DYNLL1: variants seen among roughly 807,000 people sequenced by gnomAD.
DYNLL1 encodes the protein dynein light chain LC8-type 1.
Under a neutral mutation model 10.1 loss-of-function variants are expected in DYNLL1, and 3 were observed. The ratio of observed to expected loss-of-function variants is 0.30; its 90% confidence interval spans 0.14 to 0.77. The LOEUF (loss-of-function observed/expected upper bound fraction) is 0.77. Ranked by LOEUF, DYNLL1 falls within the 30% of genes least tolerant of loss-of-function variation. DYNLL1 has a pLI of 0.66. For synonymous variants in DYNLL1, 46 were observed against 41.2 expected, an observed-to-expected ratio of 1.12 and a Z score of -0.45; for missense variants, 47 against 111.7, an observed-to-expected ratio of 0.42 and a Z score of 2.61.
rs71076619 is a variant in DYNLL1 at position 120,487,272 on chromosome 12, C to CTTT, written c.-6-9108_-6-9106dup. ...ACAGGCGTAAGCCACCGTGCCCGGC[C>CTTT]TTTTTTTTTTTTTTTTTTTTTTTTT... On this transcript the variant is annotated intron_variant, in intron 1 of 2. Transcript: ENST00000392509. 3.2e-4 allele frequency among the ~76,000 whole-genome samples: 16 copies of CTTT among 50,416 alleles called. 3 individuals are homozygous for CTTT. Among genetic ancestry groups the CTTT allele is most frequent in the African/African-American group, 7.9e-4 (9 of 11,360 alleles). 33.1% of individuals were successfully genotyped at this position (50,416 alleles called of 152,430 possible).
At position 120,496,142 on chromosome 12, in the gene DYNLL1, A is replaced by G. The variant is rs1210204303; in HGVS notation, c.-81A>G. 5.7e-6 allele frequency: 3 copies of G among 527,086 alleles called. No individual in the cohort carries two copies. Among genetic ancestry groups the G allele is most frequent in the Admixed American group, 6.9e-5 (2 of 29,004 alleles). The allele number at this position is 527,086 out of a possible 1,614,324, so 32.7% of individuals were successfully genotyped here. On this transcript the variant is annotated 5_prime_UTR_variant, in exon 1 of 3. Coordinates refer to ENST00000242577, the MANE Select transcript of DYNLL1 (RefSeq NM_003746.3). ...GCGCCACGGTTTCGGTAGCGACGGT[A>G]TCTCTAGCCGGGCCTGAGCTGTGCT...
chr12:120,497,265 A>C (rs1283846855), intron 2 of DYNLL1: 1 of 153,152 alleles, frequency 6.5e-6, no homozygotes, highest in East Asian at 1.9e-4. Flanking sequence ...ACGCTCCACA[A>C]ACACTTGTAA....
chr12:120,476,936 GTTTTTTTTT>G (rs551127196), intron 1 of DYNLL1, among the ~76,000 whole-genome samples: 1 of 143,616 alleles, frequency 7.0e-6, no homozygotes, highest in Non-Finnish European at 1.5e-5. Context: ...TGTTTTTTTT[GTTTTTTTTT>G]TTGAGACGGA....
chr12:120,478,680 C>G (rs984862424), intron 1 of DYNLL1, among the ~76,000 whole-genome samples: 3 of 148,006 alleles, frequency 2.0e-5, no homozygotes, highest in African/African-American at 7.4e-5. Context: ...GGTGAAACCA[C>G]GTCTGTTTTC....
chr12:120,478,292 A>G (rs1321738309), intron 1 of DYNLL1, among the ~76,000 whole-genome samples: 2 of 148,896 alleles, frequency 1.3e-5, no homozygotes, highest in Non-Finnish European at 3.0e-5. Context: ...TTTTTAGTAG[A>G]GACGAGGTTT....
At chr12:120,483,615 C>T (rs980721132) in intron 1 of DYNLL1, among the ~76,000 whole-genome samples, 5 of 151,466 alleles carry the variant, frequency 3.3e-5, no homozygotes, top group African/African-American at 1.2e-4. Flanking sequence ...GCCTGTTAGA[C>T]ATCCTAGAGC....
At chr12:120,495,014 A>G (rs556575164), upstream of DYNLL1, among the ~76,000 whole-genome samples, 1 of 152,214 alleles carries the variant, frequency 6.6e-6, no homozygotes, top group Non-Finnish European at 1.5e-5. Flanking sequence ...CAAATGTTTA[A>G]TACTGCTAAC....
Position 120,498,186 on chromosome 12 carries a change from C to G in DYNLL1, c.246C>G (p.Ala82=). The G allele has an allele frequency of 6.2e-7, 1 of 1,613,760 alleles. No individual in the cohort carries two copies. Among genetic ancestry groups the G allele is most frequent in the East Asian group, 2.2e-5 (1 of 44,868 alleles). Reference sequence around the variant, plus strand: ...TCTACTTCTACCTGGGCCAAGTGGCCATTCTTCTGTTCAAATCTGGTTAAA... The same window carrying G: ...TCTACTTCTACCTGGGCCAAGTGGCGATTCTTCTGTTCAAATCTGGTTAAA... The part of the protein sequence containing the change: ...HFIYFYLGQV[A]ILLFKSG Residue 82 remains alanine (A), a synonymous_variant, in exon 3 of 3, where the codon GCC becomes GCG. Coordinates refer to ENST00000242577, the MANE Select transcript of DYNLL1 (RefSeq NM_003746.3).
chr12:120,490,387 G>A (rs1276062349), intron 1 of DYNLL1: 1 of 152,212 alleles, frequency 6.6e-6, no homozygotes, highest in Non-Finnish European at 1.5e-5. Context: ...AGACCACTTT[G>A]CATATAATTA....
intron 1 of DYNLL1, among the ~76,000 whole-genome samples, chr12:120,475,954 C>T (rs926798470): frequency 1.4e-4 from 21 of 152,176 alleles, no homozygotes; most frequent in African/African-American, 4.8e-4. Flanking sequence ...CAAATGAGCT[C>T]ATCAGGTTCA....
At chr12:120,470,181 C>T (rs902492257) in intron 1 of DYNLL1, 1 of 152,528 alleles carries the variant, frequency 6.6e-6, no homozygotes, top group Non-Finnish European at 1.5e-5. Context: ...AGATGGACTC[C>T]ATAGCTTGGC....
chr12:120,487,327 C>T (rs1462292279), intron 1 of DYNLL1, among the ~76,000 whole-genome samples: 1 of 113,732 alleles, frequency 8.8e-6, no homozygotes, highest in Admixed American at 1.1e-4. Flanking sequence ...GACTCTTGCT[C>T]TGTTGCCCAG....
chr12:120,490,861 A>T (rs982182000), intron 1 of DYNLL1: 1 of 152,276 alleles, frequency 6.6e-6, no homozygotes, highest in African/African-American at 2.4e-5. Flanking sequence ...GTCTACAGGA[A>T]CACTAATGAT....
chr12:120,480,040 G>C (rs1878848723), intron 1 of DYNLL1, among the ~76,000 whole-genome samples: 1 of 152,160 alleles, frequency 6.6e-6, no homozygotes, highest in Non-Finnish European at 1.5e-5. Context: ...AGTGTCCAAA[G>C]GAGAGCTGTG....
At chr12:120,497,895 G>C in intron 2 of DYNLL1, 178 bp from the exon 3 acceptor site, 1 of 616,442 alleles carries the variant, frequency 1.6e-6, no homozygotes, top group African/African-American at 1.9e-5. Flanking sequence ...CAGACTGCAA[G>C]TATGTTTGTA....
intron 1 of DYNLL1, among the ~76,000 whole-genome samples, chr12:120,470,632 T>G (rs907407921): frequency 6.6e-6 from 1 of 151,856 alleles, no homozygotes; most frequent in African/African-American, 2.4e-5. Context: ...TTATTTTCTA[T>G]TTTTTTTGTA....
intron 1 of DYNLL1, chr12:120,490,785 C>G (rs1228132443): frequency 1.3e-5 from 2 of 152,040 alleles, no homozygotes; most frequent in Non-Finnish European, 2.9e-5. Context: ...GGACAGCTCC[C>G]CACAACAACA....
At chr12:120,477,012 C>A (rs1277452910) in intron 1 of DYNLL1, among the ~76,000 whole-genome samples, 1 of 152,138 alleles carries the variant, frequency 6.6e-6, no homozygotes, top group Non-Finnish European at 1.5e-5. Context: ...TCACTGCAAC[C>A]TCTGCCTCCT....
chr12:120,489,084 C>T (rs866429119), intron 1 of DYNLL1, among the ~76,000 whole-genome samples: 17 of 152,266 alleles, frequency 1.1e-4, no homozygotes, highest in Middle Eastern at 3.4e-3. Context: ...CACCTAGCTC[C>T]GGGCCTGGCC....
Sources: gnomAD v4.1 joint callset for allele counts (sites outside exome capture counted in the v4.1 genomes callset) on GRCh38, gnomAD v4.1.1 for gene constraint, MANE v1.5 for transcripts, NCBI Gene and HGNC (gene_info 2026-07-23, HGNC 2026-07-21) for gene names.